Variants in DCBLD2 observed in about 807,000 individuals in gnomAD.
DCBLD2 encodes the protein discoidin, CUB and LCCL domain-containing protein 2.
A neutral mutation model predicts 86.8 loss-of-function variants in DCBLD2; 54 were observed. The observed-to-expected ratio is 0.62, with a 90% confidence interval of 0.50 to 0.78. DCBLD2 has a LOEUF of 0.78. Among genes scored for constraint, DCBLD2 ranks in the 30% least tolerant of loss-of-function variants. The pLI, the probability that DCBLD2 is intolerant of heterozygous loss-of-function variation, is 0.00. For missense variants in DCBLD2, 908 were observed against 954.2 expected, an observed-to-expected ratio of 0.95 and a Z score of 0.64; for synonymous variants, 354 against 341.3, an observed-to-expected ratio of 1.04 and a Z score of -0.41.
In DCBLD2 at chr3:98,811,091, T is replaced by C. The variant is rs538999480; in HGVS notation, c.1576+103A>G. The C allele has an allele frequency of 2.7e-5, 36 of 1,329,068 alleles. No homozygotes were observed. In the African/African-American group the frequency reaches 4.7e-4, roughly 17 times the overall value. The allele number at this position is 1,329,068 out of a possible 1,614,324, so 82.3% of individuals were successfully genotyped here. ...TTTTTTTTGCTATACTTAAAAACTA[T>C]AGTTGGAAGAAAATAAACTGAAGGT... On this transcript the variant is annotated intron_variant, in intron 12 of 15. Transcript: ENST00000326840.
intron 13 of DCBLD2, among the ~76,000 whole-genome samples, chr3:98,802,338 G>C (rs573793679): frequency 6.6e-6 from 1 of 152,230 alleles, no homozygotes; most frequent in Non-Finnish European, 1.5e-5. Flanking sequence ...GTGTTTGTTG[G>C]CTGCATAAAT....
At chr3:98,894,931 G>A (rs182030470) in intron 1 of DCBLD2, among the ~76,000 whole-genome samples, 5 of 152,178 alleles carry the variant, frequency 3.3e-5, no homozygotes, top group African/African-American at 9.6e-5. Context: ...TGTATTATCC[G>A]GAGATGAGTG....
chr3:98,871,017 T>G (rs1045495430), intron 2 of DCBLD2, among the ~76,000 whole-genome samples: 5 of 138,740 alleles, frequency 3.6e-5, no homozygotes, highest in Non-Finnish European at 7.9e-5. Context: ...TTAAGTATAT[T>G]CCTAGGGTTT....
chr3:98,890,049 T>C (rs1344307987), intron 1 of DCBLD2, among the ~76,000 whole-genome samples: 2 of 152,054 alleles, frequency 1.3e-5, no homozygotes, highest in African/African-American at 4.8e-5. Context: ...CTTTGCCTCC[T>C]TTTCTAATGT....
Position 98,799,806 on chromosome 3 carries a change from T to C in DCBLD2, c.1894A>G (p.Thr632Ala), listed in dbSNP as rs762959367. 5 of 1,613,330 alleles carry C rather than the reference T, an allele frequency of 3.1e-6. No homozygotes were observed. The highest frequency in any genetic ancestry group is 4.2e-6 in the Non-Finnish European group (5 of 1,179,496). The change falls in exon 16 of 16, where the codon ACA (threonine) becomes GCA (alanine). Residue 632 changes from threonine (T) to alanine (A), a missense_variant. Physicochemically the swap from Thr to Ala is moderately conservative, Grantham distance 58. Transcript: ENST00000326840. ...AQPLVGGIVGTLHQRSTFKPE... is the reference protein window; with the variant it reads ...AQPLVGGIVGALHQRSTFKPE... ...TTAAAGGTAGATCTTTGATGAAGTG[T>C]ACCAACAATTCCTCCTACCAGTGGC...
intron 3 of DCBLD2, among the ~76,000 whole-genome samples, chr3:98,840,090 T>A (rs978782431): frequency 1.3e-5 from 2 of 152,150 alleles, no homozygotes; most frequent in African/African-American, 4.8e-5. Context: ...TAAGGATAGT[T>A]GGTAGAGTGA....
At chr3:98,883,448 T>C (rs1943507710) in intron 1 of DCBLD2, among the ~76,000 whole-genome samples, 1 of 152,184 alleles carries the variant, frequency 6.6e-6, no homozygotes, top group African/African-American at 2.4e-5. Context: ...CCTTTATATA[T>C]TGGCAGCAGC....
chr3:98,882,735 T>C (rs967381018), intron 1 of DCBLD2, among the ~76,000 whole-genome samples: 4 of 152,228 alleles, frequency 2.6e-5, no homozygotes, highest in African/African-American at 9.6e-5. Flanking sequence ...TCCATGTCCC[T>C]GCAAAGGACA....
Position 98,887,477 on chromosome 3 carries a change from C to A in DCBLD2, c.206-5710G>T, listed in dbSNP as rs1943583662. Among the ~76,000 whole-genome samples, 3 of 152,044 alleles carry A rather than the reference C, an allele frequency of 2.0e-5. No individual in the cohort carries two copies. In the South Asian group the frequency reaches 6.2e-4, roughly 32 times the overall value. On this transcript the variant is annotated intron_variant, in intron 1 of 15. Transcript: ENST00000326840. ...GCATCACTACAAATCTCAGATAATTCAAATACTACTCTAATTTCACTTAAT... is the reference window on the plus strand; with the variant it reads ...GCATCACTACAAATCTCAGATAATTAAAATACTACTCTAATTTCACTTAAT...
intron 3 of DCBLD2, among the ~76,000 whole-genome samples, chr3:98,840,025 TA>T: frequency 6.6e-6 from 1 of 152,214 alleles, no homozygotes; most frequent in Non-Finnish European, 1.5e-5. Context: ...AGTAGACAAG[TA>T]AAAGATGAAG....
rs1484325085 is a variant in DCBLD2, at chr3:98,797,023, C to CAT, written c.*2347_*2348dup. On this transcript the variant is annotated 3_prime_UTR_variant, in exon 16 of 16. Coordinates refer to ENST00000326840, the MANE Select transcript of DCBLD2 (RefSeq NM_080927.4). Reference sequence around the variant, plus strand: ...TCTCCAAAGCCGTATATGTATCAGACATATAAATGTAGTAAAAAAAAAAAA... The same window carrying CAT: ...TCTCCAAAGCCGTATATGTATCAGACATATATAAATGTAGTAAAAAAAAAAAA... 1 of 129,272 alleles carries CAT rather than the reference C, an allele frequency of 7.7e-6. No individual in the cohort carries two copies. Among genetic ancestry groups the CAT allele is most frequent in the Non-Finnish European group, 1.6e-5 (1 of 62,380 alleles). The allele number at this position is 129,272 out of a possible 1,614,324, so 8.0% of individuals were successfully genotyped here. A position where few individuals can be genotyped will look rare whatever the true frequency, so the allele number is the denominator to read the frequency against.
intron 6 of DCBLD2, among the ~76,000 whole-genome samples, chr3:98,820,494 C>T (rs1167874456): frequency 6.6e-6 from 1 of 152,128 alleles, no homozygotes; most frequent in African/African-American, 2.4e-5. Context: ...GCATAAACAG[C>T]TTTCTCTACA....
chr3:98,889,819 C>T (rs1251017287), intron 1 of DCBLD2, among the ~76,000 whole-genome samples: 1 of 152,032 alleles, frequency 6.6e-6, no homozygotes, highest in Admixed American at 6.6e-5. Flanking sequence ...TGCAAGACAA[C>T]TGATTTTGCC....
chr3:98,836,947 G>A (rs1224960110), intron 3 of DCBLD2, among the ~76,000 whole-genome samples: 3 of 90,420 alleles, frequency 3.3e-5, no homozygotes, highest in South Asian at 3.9e-4. Flanking sequence ...CCTCCCGGAC[G>A]GGGCGGCTGG....
chr3:98,901,087 G>T, intron 1 of DCBLD2, 35 bp downstream of exon 1: 1 of 1,537,390 alleles, frequency 6.5e-7, no homozygotes, highest in Non-Finnish European at 8.7e-7. Flanking sequence ...CCCGACGGAG[G>T]TTCCCCCGCC....
chr3:98,802,313 T>C (rs148269517), intron 13 of DCBLD2, among the ~76,000 whole-genome samples: 389 of 152,356 alleles, frequency 2.6e-3, no homozygotes, highest in African/African-American at 9.0e-3. Context: ...CCAGTGATGA[T>C]GAGCATTTTT....
At position 98,796,253 on chromosome 3, in the gene DCBLD2, A is replaced by AC. The variant is rs1559763456; in HGVS notation, c.*3118_*3119insG. The AC allele has an allele frequency of 7.5e-5, 11 of 146,352 alleles. No individual in the cohort carries two copies. Among genetic ancestry groups the AC allele is most frequent in the South Asian group, 2.2e-4 (1 of 4,476 alleles). The allele number at this position is 146,352 out of a possible 1,614,324, so 9.1% of individuals were successfully genotyped here. On this transcript the variant is annotated 3_prime_UTR_variant, in exon 16 of 16. Transcript: ENST00000326840. Reference sequence around the variant, plus strand: ...TCCCAGTGCCACACACACACACACAAAAACAAAACAAAACAAAAAAAAACA... The same window carrying AC: ...TCCCAGTGCCACACACACACACACAACAAACAAAACAAAACAAAAAAAAACA...
At chr3:98,835,938 C>CTTTCTCT (rs56279917) in intron 3 of DCBLD2, among the ~76,000 whole-genome samples, 6 of 115,054 alleles carry the variant, frequency 5.2e-5, no homozygotes, top group African/African-American at 2.0e-4. Flanking sequence ...TCCTTTCTTT[C>CTTTCTCT]TTTTTTTTTT....
intron 3 of DCBLD2, among the ~76,000 whole-genome samples, chr3:98,836,602 T>C (rs1444441340): frequency 6.2e-5 from 9 of 146,266 alleles, no homozygotes; most frequent in Admixed American, 1.4e-4. Flanking sequence ...CTCAATGAGC[T>C]GTTGGGCACA....
Sources: gnomAD v4.1 joint callset for allele counts (sites outside exome capture counted in the v4.1 genomes callset) on GRCh38, gnomAD v4.1.1 for gene constraint, MANE v1.5 for transcripts, NCBI Gene and HGNC (gene_info 2026-07-23, HGNC 2026-07-21) for gene names.